WDR1: variants seen among roughly 807,000 people sequenced by gnomAD.
WDR1 encodes the protein WD repeat domain 1.
Under a neutral mutation model 71.9 loss-of-function variants are expected in WDR1, and 21 were observed. The observed-to-expected ratio is 0.29, with a 90% confidence interval of 0.21 to 0.42. WDR1 has a LOEUF of 0.42. Ranked by LOEUF, WDR1 falls within the 10% of genes least tolerant of loss-of-function variation. The probability of loss-of-function intolerance (pLI) is 1.00; values close to 1 mark genes in which losing one functional copy is unlikely to be tolerated. For missense variants in WDR1, 696 were observed against 824.5 expected, an observed-to-expected ratio of 0.84 and a Z score of 1.91; for synonymous variants, 424 against 347.4, an observed-to-expected ratio of 1.22 and a Z score of -2.45.
chr4:10,104,453 G>A (rs1237918339), intron 2 of WDR1, among the ~76,000 whole-genome samples: 2 of 152,182 alleles, frequency 1.3e-5, no homozygotes, highest in Non-Finnish European at 2.9e-5. Flanking sequence ...TGGCTGTGCT[G>A]TGCAGGAGCA....
rs5856034 is a variant in WDR1, at chr4:10,103,289, G to GACAC, written c.229+603_229+606dup. Among the ~76,000 whole-genome samples, 724 of 146,982 alleles carry GACAC rather than the reference G, an allele frequency of 4.9e-3. 8 individuals carry two copies. The highest frequency in any genetic ancestry group is 0.015 in the African/African-American group (599 of 40,178). Reference sequence around the variant, plus strand: ...ACATACACACACACACACACACACAGACACACACACACACACACACACACA... The same window carrying GACAC: ...ACATACACACACACACACACACACAGACACACACACACACACACACACACACACA... On this transcript the variant is annotated intron_variant, in intron 3 of 14. Transcript: ENST00000499869.
At chr4:10,094,239 C>T (rs918454807) in intron 5 of WDR1, among the ~76,000 whole-genome samples, 2 of 152,226 alleles carry the variant, frequency 1.3e-5, no homozygotes, top group African/African-American at 4.8e-5. Flanking sequence ...CTATCCAGTG[C>T]ACCACCAACT....
At chr4:10,106,069 A>T (rs1712993151) in intron 2 of WDR1, among the ~76,000 whole-genome samples, 1 of 146,742 alleles carries the variant, frequency 6.8e-6, no homozygotes, top group Non-Finnish European at 1.5e-5. Context: ...AACCCCAATG[A>T]CAGAAAGCAG....
chr4:10,103,363 G>C (rs936320450), intron 3 of WDR1, among the ~76,000 whole-genome samples: 1 of 151,418 alleles, frequency 6.6e-6, no homozygotes, highest in African/African-American at 2.4e-5. Context: ...ATGGCTTCCC[G>C]CAAAAGGTCC....
intron 2 of WDR1, among the ~76,000 whole-genome samples, chr4:10,113,623 A>C (rs2108808438): frequency 6.6e-6 from 1 of 152,328 alleles, no homozygotes; most frequent in South Asian, 2.1e-4. Flanking sequence ...CAAGGGTGAA[A>C]GCAAGGAGAC....
chr4:10,088,836 G>A (rs1426124709), intron 5 of WDR1, 95 bp from the exon 6 acceptor site: 6 of 953,798 alleles, frequency 6.3e-6, no homozygotes, highest in Non-Finnish European at 9.9e-6. Flanking sequence ...AGCTCCAGCT[G>A]TTCATCAGTG....
In WDR1 at chr4:10,077,410, G is replaced by C. The variant is rs1382406211; in HGVS notation, c.1608C>G (p.Val536=). 1 of 1,614,000 alleles carries C rather than the reference G, an allele frequency of 6.2e-7. No individual in the cohort carries two copies. Among genetic ancestry groups the C allele is most frequent in the African/African-American group, 1.3e-5 (1 of 75,062 alleles). The change falls in exon 14 of 15, where the codon GTC becomes GTG. Residue 536 remains valine, a synonymous_variant. Transcript: ENST00000499869. The part of the protein sequence containing the change: ...NVFYGHHAKI[V]CLAWSPDNEH... Reference sequence around the variant, plus strand: ...CATTGTCTGGGGACCAGGCCAGGCAGACGATTTTTGCATGGTGTCCATAAA... The same window carrying C: ...CATTGTCTGGGGACCAGGCCAGGCACACGATTTTTGCATGGTGTCCATAAA...
intron 10 of WDR1, among the ~76,000 whole-genome samples, chr4:10,081,668 G>A (rs1470986459): frequency 1.5e-5 from 2 of 136,266 alleles, no homozygotes; most frequent in African/African-American, 2.6e-5. Context: ...AGGGGTGGGG[G>A]GGGGGGAAGG....
chr4:10,084,261 G>A (rs538816030), intron 9 of WDR1, among the ~76,000 whole-genome samples, 182 bp downstream of exon 9: 9 of 152,222 alleles, frequency 5.9e-5, no homozygotes, highest in African/African-American at 2.2e-4. Context: ...ACAACTCCAG[G>A]GGACAGTTGC....
At position 10,075,435 on chromosome 4, in the gene WDR1, G is replaced by A. The variant is rs780287538; in HGVS notation, c.1764C>T (p.His588=). Reference sequence around the variant, plus strand: ...CATCATGGGAGGTCGTGACCAGCGTGTGCTCGTCCAGCCAGGCCAGGCTGC... The same window carrying A: ...CATCATGGGAGGTCGTGACCAGCGTATGCTCGTCCAGCCAGGCCAGGCTGC... The part of the protein sequence containing the change: ...HVSSLAWLDE[H]TLVTTSHDAS... Residue 588 remains histidine (H), a synonymous_variant, in exon 15 of 15, where the codon CAC becomes CAT. Coordinates refer to ENST00000499869, the MANE Select transcript of WDR1 (RefSeq NM_017491.5). 1 of 1,613,912 alleles carries A rather than the reference G, an allele frequency of 6.2e-7. No homozygotes were observed. The highest frequency in any genetic ancestry group is 1.1e-5 in the South Asian group (1 of 91,090).
chr4:10,114,852 G>A (rs1278207581), intron 2 of WDR1, among the ~76,000 whole-genome samples: 2 of 152,182 alleles, frequency 1.3e-5, no homozygotes, highest in Non-Finnish European at 2.9e-5. Flanking sequence ...CAGCAATCCA[G>A]GGCAGGTAGA....
chr4:10,090,840 A>G (rs1711926939), intron 5 of WDR1, among the ~76,000 whole-genome samples: 2 of 152,372 alleles, frequency 1.3e-5, no homozygotes, highest in Middle Eastern at 3.4e-3. Flanking sequence ...ATCCCAGTGG[A>G]TGAGCAGATT....
chr4:10,103,921 G>T lies in WDR1; in HGVS notation c.204C>A (p.Pro68=). The change falls in exon 3 of 15, where the codon CCC becomes CCA. Residue 68 remains proline (P), a synonymous_variant. Transcript: ENST00000499869. ...CTCCGGAGGCAATGTAGAATCCGCT[G>T]GGCGCATACTTGGCCACCACCACCT... ...AHQVVVAKYA[P]SGFYIASGDV... The T allele has an allele frequency of 6.3e-7, 1 of 1,597,752 alleles. No homozygotes were observed. The highest frequency in any genetic ancestry group is 2.3e-5 in the East Asian group (1 of 44,088).
intron 5 of WDR1, among the ~76,000 whole-genome samples, chr4:10,090,968 C>T (rs1053540298): frequency 2.0e-5 from 3 of 152,228 alleles, no homozygotes; most frequent in South Asian, 4.1e-4. Flanking sequence ...ATGGAAGCAC[C>T]AGGCTGGCTC....
intron 2 of WDR1, among the ~76,000 whole-genome samples, chr4:10,114,967 G>A (rs545166753): frequency 6.6e-6 from 1 of 152,204 alleles, no homozygotes; most frequent in Non-Finnish European, 1.5e-5. Flanking sequence ...CTTTCACAGA[G>A]AAGGAAACTG....
At chr4:10,103,289 GACACAC>G (rs5856034) in intron 3 of WDR1, among the ~76,000 whole-genome samples, 35,502 of 146,646 alleles carry the variant, frequency 0.24, 6,847 homozygotes, top group African/African-American at 0.53. Flanking sequence ...CACACACACA[GACACAC>G]ACACACACAC....
At chr4:10,112,824 ACT>A (rs1325930532) in intron 2 of WDR1, among the ~76,000 whole-genome samples, 4 of 152,118 alleles carry the variant, frequency 2.6e-5, no homozygotes, top group South Asian at 2.1e-4. Flanking sequence ...TGTGCCAGAC[ACT>A]CTCTTAGGCG....
At chr4:10,090,036 G>A (rs367655859) in intron 5 of WDR1, among the ~76,000 whole-genome samples, 1 of 152,208 alleles carries the variant, frequency 6.6e-6, no homozygotes. Context: ...CAGAGTTGGG[G>A]TGAAGCTGGA....
intron 2 of WDR1, among the ~76,000 whole-genome samples, chr4:10,105,718 T>C (rs1196403590): frequency 6.6e-6 from 1 of 152,172 alleles, no homozygotes; most frequent in Non-Finnish European, 1.5e-5. Context: ...GCAGGTTATT[T>C]ATAAACCTAA....
Sources: allele counts gnomAD v4.1 joint callset (sites outside exome capture counted in the v4.1 genomes callset), GRCh38; gene constraint gnomAD v4.1.1; transcripts MANE v1.5; gene names NCBI Gene and HGNC (gene_info 2026-07-23, HGNC 2026-07-21).